The following AMD1 variants were observed in gnomAD, a reference collection of about 807,000 sequenced individuals.
AMD1 encodes the protein S-adenosylmethionine decarboxylase proenzyme.
A neutral mutation model predicts 40.2 loss-of-function variants in AMD1; 11 were observed. That is an observed-to-expected ratio of 0.27 (90% confidence interval 0.17 to 0.45). AMD1 has a LOEUF of 0.45. Among genes scored for constraint, AMD1 ranks in the 20% least tolerant of loss-of-function variants. The pLI, the probability that AMD1 is intolerant of heterozygous loss-of-function variation, is 1.00. For synonymous variants in AMD1, 121 were observed against 130.8 expected, an observed-to-expected ratio of 0.93 and a Z score of 0.51; for missense variants, 257 against 410.2, an observed-to-expected ratio of 0.63 and a Z score of 3.23.
At chr6:110,865,779 T>C in the AMD1 span, among the ~76,000 whole-genome samples, 10 of 151,748 alleles carry the variant, frequency 6.6e-5, no homozygotes. Flanking sequence ...TTTTTTTTGT[T>C]TGAGATAGAG....
At chr6:110,890,072 G>A in intron 3 of AMD1, 182 bp from the exon 4 acceptor site, 1 of 515,974 alleles carries the variant, frequency 1.9e-6, no homozygotes, top group Non-Finnish European at 3.4e-6. Context: ...CCTGGGCCAA[G>A]TGATCCTCCT....
upstream of AMD1, among the ~76,000 whole-genome samples, chr6:110,874,252 G>C (rs1156410220): frequency 6.6e-6 from 1 of 152,194 alleles, no homozygotes; most frequent in East Asian, 1.9e-4. Flanking sequence ...TCGACCCCTG[G>C]CAACGTGCGC....
At chr6:110,884,037 A>T (rs1277566940) in intron 1 of AMD1, among the ~76,000 whole-genome samples, 1 of 152,228 alleles carries the variant, frequency 6.6e-6, no homozygotes, top group Non-Finnish European at 1.5e-5. Flanking sequence ...TTTTGCATGG[A>T]TCTGACCCTA....
chr6:110,837,703 C>T, the AMD1 span, among the ~76,000 whole-genome samples: 1 of 93,606 alleles, frequency 1.1e-5, no homozygotes, highest in Non-Finnish European at 1.9e-5. Flanking sequence ...AAGAGCGAAA[C>T]TCCATCTCAG....
chr6:110,872,465 A>C (rs1017133049), upstream of AMD1, among the ~76,000 whole-genome samples: 1 of 152,224 alleles, frequency 6.6e-6, no homozygotes, highest in Non-Finnish European at 1.5e-5. Flanking sequence ...AGGCATTTTT[A>C]AAAAACTGGA....
chr6:110,888,952 C>T lies in AMD1; in HGVS notation c.293C>T (p.Ala98Val). ...GCACTGGTTCCCCTGTTGAAGCTTG[C>T]TAGGGATTACAGTGGGTTTGACTCA... ...LKALVPLLKL[A>V]RDYSGFDSIQ... The change falls in exon 3 of 9, where the codon GCT (alanine) becomes GTT (valine). Residue 98 changes from alanine to valine, a missense_variant. By Grantham distance (64) the Ala-to-Val change is moderately conservative. This residue lies in a region of AMD1 where 192 missense variants were observed against 296.5 expected (regional missense o/e 0.65). Coordinates refer to ENST00000368885, the MANE Select transcript of AMD1 (RefSeq NM_001634.6). The T allele has an allele frequency of 6.2e-7, 1 of 1,613,908 alleles. No individual in the cohort carries two copies. Among genetic ancestry groups the T allele is most frequent in the Non-Finnish European group, 8.5e-7 (1 of 1,179,926 alleles).
At chr6:110,844,707 G>A in the AMD1 span, among the ~76,000 whole-genome samples, 1 of 151,614 alleles carries the variant, frequency 6.6e-6, no homozygotes, top group Admixed American at 6.6e-5. Context: ...CTTGAACCCG[G>A]GAGGCAGAGG....
chr6:110,855,530 A>G, the AMD1 span, among the ~76,000 whole-genome samples: 5 of 152,160 alleles, frequency 3.3e-5, no homozygotes, highest in Non-Finnish European at 7.3e-5. Flanking sequence ...GCTGCAAGCC[A>G]GGCTGAGGCT....
At chr6:110,838,489 C>T in the AMD1 span, among the ~76,000 whole-genome samples, 1 of 152,126 alleles carries the variant, frequency 6.6e-6, no homozygotes. Context: ...ACAAATCAAC[C>T]TCTTTTCCAT....
At chr6:110,890,434 G>A in intron 4 of AMD1, 78 bp downstream of exon 4, 2 of 980,782 alleles carry the variant, frequency 2.0e-6, no homozygotes, top group Non-Finnish European at 3.2e-6. Context: ...CTATATGAGA[G>A]CATACTTATG....
the AMD1 span, among the ~76,000 whole-genome samples, chr6:110,850,567 T>C: frequency 2.0e-5 from 3 of 152,180 alleles, no homozygotes; most frequent in Non-Finnish European, 4.4e-5. Context: ...TTAAAATATG[T>C]GTTCCAAGTA....
intron 8 of AMD1, 86 bp downstream of exon 8, chr6:110,893,151 G>C: frequency 3.3e-6 from 4 of 1,224,066 alleles, no homozygotes; most frequent in Non-Finnish European, 4.5e-6. Context: ...GATGTATTCT[G>C]AGATAGCACA....
At chr6:110,853,549 C>T in the AMD1 span, among the ~76,000 whole-genome samples, 1 of 152,064 alleles carries the variant, frequency 6.6e-6, no homozygotes, top group South Asian at 2.1e-4. Flanking sequence ...CCTCATGATC[C>T]GCCTGCCTCG....
the AMD1 span, among the ~76,000 whole-genome samples, chr6:110,822,767 A>C: frequency 6.6e-6 from 1 of 152,214 alleles, no homozygotes; most frequent in Non-Finnish European, 1.5e-5. Context: ...GGATGCAGGA[A>C]TGGTTCAATA....
At chr6:110,844,829 G>T in the AMD1 span, among the ~76,000 whole-genome samples, 2 of 151,888 alleles carry the variant, frequency 1.3e-5, no homozygotes, top group Non-Finnish European at 2.9e-5. Context: ...AATACCTGAG[G>T]CTGGGTAATT....
intron 1 of AMD1, 62 bp downstream of exon 1, chr6:110,875,277 C>G: frequency 1.5e-6 from 2 of 1,336,378 alleles, no homozygotes; most frequent in Non-Finnish European, 2.1e-6. Context: ...GCCGAGGCAC[C>G]AGCCACGGGT....
At chr6:110,859,087 C>A in the AMD1 span, 2 of 1,292,332 alleles carry the variant, frequency 1.5e-6, no homozygotes, top group South Asian at 2.5e-5. Context: ...CCCTCGGGCG[C>A]GCAGGCTCGG....
the AMD1 span, among the ~76,000 whole-genome samples, chr6:110,859,565 C>CT: frequency 2.2e-4 from 33 of 150,172 alleles, 1 homozygote; most frequent in Admixed American, 6.6e-4. Context: ...AAGAAAAATA[C>CT]TTTTTTTTTT....
intron 3 of AMD1, chr6:110,889,968 A>G: frequency 3.8e-6 from 1 of 266,344 alleles, no homozygotes; most frequent in South Asian, 6.9e-5. Context: ...CTTGGTGTTA[A>G]TAGTTGTTAT....
Sources: allele counts gnomAD v4.1 joint callset (sites outside exome capture counted in the v4.1 genomes callset), GRCh38; gene constraint gnomAD v4.1.1; regional missense constraint gnomAD v4.1.1; transcripts MANE v1.5; gene names NCBI Gene and HGNC (gene_info 2026-07-23, HGNC 2026-07-21).